Variants in TBX3 observed in about 807,000 individuals in gnomAD.
TBX3 encodes the protein T-box transcription factor TBX3.
In TBX3, 11 loss-of-function variants were observed where a neutral mutation model predicts 47.8. The observed-to-expected ratio is 0.23, with a 90% confidence interval of 0.14 to 0.38. The LOEUF (loss-of-function observed/expected upper bound fraction) is 0.38, where lower values mean the gene tolerates loss of function less well. Among genes scored for constraint, TBX3 ranks in the 10% least tolerant of loss-of-function variants. The pLI, the probability that TBX3 is intolerant of heterozygous loss-of-function variation, is 1.00. For synonymous variants in TBX3, 500 were observed against 449.3 expected, an observed-to-expected ratio of 1.11 and a Z score of -1.43; for missense variants, 927 against 1,022.8, an observed-to-expected ratio of 0.91 and a Z score of 1.28.
rs866430303 is a variant in TBX3, at chr12:114,672,429, T to C, written c.1711-127A>G. On this transcript the variant is annotated intron_variant, in intron 6 of 6. Coordinates refer to ENST00000349155, the MANE Select transcript of TBX3 (RefSeq NM_005996.4). ...TCCCTGGTATGTTCTGTTGTTGTTG[T>C]TGTTGTGTTTTTTTTTTTGGGGGGG... 1.3e-5 allele frequency: 8 copies of C among 613,912 alleles called. No individual in the cohort carries two copies. In the African/African-American group the frequency reaches 1.4e-4, roughly 11 times the overall value. 38.0% of individuals were successfully genotyped at this position (613,912 alleles called of 1,614,324 possible).
intron 3 of TBX3, 73 bp downstream of exon 3, chr12:114,679,432 C>T: frequency 6.2e-7 from 1 of 1,600,112 alleles, no homozygotes; most frequent in South Asian, 1.1e-5. Flanking sequence ...GTAACTTTCT[C>T]ATCCTGACTT....
intron 2 of TBX3, 166 bp downstream of exon 2, chr12:114,680,713 T>C (rs1417549827): frequency 2.0e-6 from 2 of 1,024,176 alleles, no homozygotes; most frequent in Non-Finnish European, 3.0e-6. Flanking sequence ...GGCCTTCCAT[T>C]ATTTGGAGAG....
chr12:114,677,443 A>T (rs1411592452), intron 4 of TBX3, 137 bp downstream of exon 4: 2 of 810,202 alleles, frequency 2.5e-6, no homozygotes, highest in Admixed American at 4.0e-5. Context: ...AGCGGCAAGC[A>T]TGTAGCAGTG....
At chr12:114,676,580 C>G (rs1868721332) in intron 4 of TBX3, 110 bp from the exon 5 acceptor site, 1 of 1,418,174 alleles carries the variant, frequency 7.1e-7, no homozygotes, top group Admixed American at 1.8e-5. Context: ...CTGCCTGCTG[C>G]CCAGGGACAA....
chr12:114,680,232 G>T lies in TBX3; in HGVS notation c.658-581C>A, dbSNP rs1868868487. 1.2e-5 allele frequency: 6 copies of T among 514,482 alleles called. No homozygotes were observed. In the Admixed American group the frequency reaches 1.6e-4, roughly 14 times the overall value. 31.9% of individuals were successfully genotyped at this position (514,482 alleles called of 1,614,324 possible). A position where few individuals can be genotyped will look rare whatever the true frequency, so the allele number is the denominator to read the frequency against. The stretch of plus-strand genomic sequence containing the variant: ...CGCTGTTTATTTTATTGAAATGTTG[G>T]GGAGGGGTAGGAAAAGGCGCAAAAG... On this transcript the variant is annotated intron_variant, in intron 2 of 6. Transcript: ENST00000349155.
chr12:114,677,762 G>A (rs1365909024), intron 3 of TBX3, 106 bp from the exon 4 acceptor site: 3 of 1,033,418 alleles, frequency 2.9e-6, no homozygotes, highest in Middle Eastern at 2.0e-4. Context: ...ACTGCCAACA[G>A]AAGTCATATA....
At position 114,674,523 on chromosome 12, in the gene TBX3, C is replaced by A. The variant is rs1438073122; in HGVS notation, c.1352G>T (p.Arg451Leu). ...GAAGGCCTCCTTGCCCGGGAGCGCG[C>A]GCGCCTCTTCCACCTTGGCCGGCGC... ...GTAPAKVEEA[R>L]ALPGKEAFAP... Residue 451 changes from arginine to leucine, a missense_variant, in exon 6 of 7, where the codon CGC (arginine) becomes CTC (leucine). By Grantham distance (102) the Arg-to-Leu change is moderately radical. Around this residue, in one of 5 missense-constraint regions of TBX3, gnomAD observed 623 missense variants for 569.0 expected, o/e 1.09. Transcript: ENST00000349155. 6.6e-7 allele frequency: 1 copy of A among 1,516,490 alleles called. No individual in the cohort carries two copies. Among genetic ancestry groups the A allele is most frequent in the Non-Finnish European group, 8.8e-7 (1 of 1,136,542 alleles). 93.9% of individuals were successfully genotyped at this position (1,516,490 alleles called of 1,614,324 possible). A position where few individuals can be genotyped will look rare whatever the true frequency, so the allele number is the denominator to read the frequency against.
intron 4 of TBX3, among the ~76,000 whole-genome samples, chr12:114,677,124 T>A (rs916513684): frequency 5.3e-5 from 8 of 152,218 alleles, no homozygotes; most frequent in Non-Finnish European, 1.2e-4. Flanking sequence ...ACTCTCCAGC[T>A]GTCTACGTAA....
Position 114,674,722 on chromosome 12 carries a change from G to GGCAGGGCTCCTCCGA in TBX3, c.1138_1152dup (p.Ser380_Cys384dup). 1 of 1,601,170 alleles carries GGCAGGGCTCCTCCGA rather than the reference G, an allele frequency of 6.2e-7. No homozygotes were observed. On this transcript the variant is annotated inframe_insertion, in exon 6 of 7. Coordinates refer to ENST00000349155, the MANE Select transcript of TBX3 (RefSeq NM_005996.4). Reference sequence around the variant, plus strand: ...TTGACCGCGGGGCTGCCCTTGTCACGGCAGGGCTCCTCCGACGTGGTGGTG... The same window carrying GGCAGGGCTCCTCCGA: ...TTGACCGCGGGGCTGCCCTTGTCACGGCAGGGCTCCTCCGAGCAGGGCTCCTCCGACGTGGTGGTG...
chr12:114,671,781 C>CCGA lies in TBX3; in HGVS notation c.*57_*59dup. On this transcript the variant is annotated 3_prime_UTR_variant, in exon 7 of 7. Coordinates refer to ENST00000349155, the MANE Select transcript of TBX3 (RefSeq NM_005996.4). ...GGCGGGCCCGTGGTTTATTTTATATCCGACAAAGTGCACGGCAGCCTGAAC... is the reference window on the plus strand; with the variant it reads ...GGCGGGCCCGTGGTTTATTTTATATCCGACGACAAAGTGCACGGCAGCCTGAAC... 1 of 1,543,354 alleles carries CCGA rather than the reference C, an allele frequency of 6.5e-7. No individual in the cohort carries two copies. The highest frequency in any genetic ancestry group is 8.8e-7 in the Non-Finnish European group (1 of 1,142,372).
Position 114,671,986 on chromosome 12 carries a change from G to T in TBX3, c.2027C>A (p.Ser676Tyr). The change falls in exon 7 of 7, where the codon TCC (serine) becomes TAC (tyrosine). Residue 676 changes from serine (S) to tyrosine (Y), a missense_variant. Physicochemically the swap from Ser to Tyr is moderately radical, Grantham distance 144 (BLOSUM62 -2). Around this residue, in one of 5 missense-constraint regions of TBX3, gnomAD observed 623 missense variants for 569.0 expected, o/e 1.09. Transcript: ENST00000349155. ...VDSGSELNSR[S>Y]STLSSSSMSL... ...CATGGAGCTGGAGGAGAGCGTGGAGGAGCGGCTGTTGAGTTCAGAGCCCGA... is the reference window on the plus strand; with the variant it reads ...CATGGAGCTGGAGGAGAGCGTGGAGTAGCGGCTGTTGAGTTCAGAGCCCGA... The T allele has an allele frequency of 6.2e-7, 1 of 1,601,288 alleles. No individual in the cohort carries two copies. Among genetic ancestry groups the T allele is most frequent in the East Asian group, 2.3e-5 (1 of 44,224 alleles).
rs151047347 is a variant in TBX3 at position 114,679,617 on chromosome 12, C to T, written c.692G>A (p.Arg231Gln). 11 of 1,613,986 alleles carry T rather than the reference C, an allele frequency of 6.8e-6. No homozygotes were observed. Among genetic ancestry groups the T allele is most frequent in the Admixed American group, 3.3e-5 (2 of 59,990 alleles). Residue 231 changes from arginine (R) to glutamine (Q), a missense_variant, in exon 3 of 7, where the codon CGG (arginine) becomes CAG (glutamine). Around this residue, in one of 5 missense-constraint regions of TBX3, gnomAD observed 38 missense variants for 77.7 expected, o/e 0.49. Transcript: ENST00000349155. ...ILNSMHKYQP[R>Q]FHIVRANDIL... ...GTCATTGGCTCTTACAATGTGGAAC[C>T]GGGGCTGGTATTTGTGCATGGAGTT...
At chr12:114,672,436 GTTTT>G (rs55865934) in intron 6 of TBX3, 134 bp from the exon 7 acceptor site, 14 of 421,558 alleles carry the variant, frequency 3.3e-5, no homozygotes, top group African/African-American at 3.0e-4. Context: ...TTGTTGTTGT[GTTTT>G]TTTTTTTGGG....
intron 1 of TBX3, among the ~76,000 whole-genome samples, chr12:114,681,986 G>T (rs1345130871): frequency 6.6e-6 from 1 of 152,012 alleles, no homozygotes; most frequent in Admixed American, 6.6e-5. Flanking sequence ...TCATGAAGGG[G>T]ATTTTATTTT....
At chr12:114,676,263 C>T in intron 5 of TBX3, 50 bp downstream of exon 5, 1 of 1,611,490 alleles carries the variant, frequency 6.2e-7, no homozygotes, top group South Asian at 1.1e-5. Context: ...TCAACTCTTC[C>T]AGGCCACGAG....
intron 3 of TBX3, 118 bp downstream of exon 3, chr12:114,679,387 A>G (rs1480435834): frequency 1.4e-6 from 2 of 1,442,050 alleles, no homozygotes; most frequent in Non-Finnish European, 1.9e-6. Flanking sequence ...CACAAATCAC[A>G]AAAGACAACT....
chr12:114,684,135 C>T lies in TBX3; in HGVS notation c.-935G>A. 4.3e-6 allele frequency: 1 copy of T among 230,400 alleles called. No homozygotes were observed. 14.3% of individuals were successfully genotyped at this position (230,400 alleles called of 1,614,324 possible). ...GAGGGAGCGAGAGAAAGCGAGAGCT[C>T]CTCGCCACCCTCCGCCGCCTCTAGA... On this transcript the variant is annotated 5_prime_UTR_variant, in exon 1 of 7. Coordinates refer to ENST00000349155, the MANE Select transcript of TBX3 (RefSeq NM_005996.4).
chr12:114,672,865 C>A (rs1868512896), intron 6 of TBX3, among the ~76,000 whole-genome samples: 1 of 152,012 alleles, frequency 6.6e-6, no homozygotes, highest in Middle Eastern at 3.4e-3. Context: ...ACAAAAAAAA[C>A]AGACAGTGAA....
Position 114,672,163 on chromosome 12 carries a change from C to T in TBX3, c.1850G>A (p.Arg617Gln). The T allele has an allele frequency of 6.4e-7, 1 of 1,570,978 alleles. No homozygotes were observed. The highest frequency in any genetic ancestry group is 8.6e-7 in the Non-Finnish European group (1 of 1,158,860). Reference protein sequence around the residue: ...PFLNLNTMRPRLRYSPYSIPV... With the variant: ...PFLNLNTMRPQLRYSPYSIPV... ...GATGGAGTAGGGGCTGTAGCGCAGC[C>T]GCGGGCGCATGGTGTTCAGATTGAG... The change falls in exon 7 of 7, where the codon CGG becomes CAG. Residue 617 changes from arginine to glutamine, a missense_variant. By Grantham distance (43) the Arg-to-Gln change is conservative. Transcript: ENST00000349155.
Sources: gnomAD v4.1 joint callset for allele counts (sites outside exome capture counted in the v4.1 genomes callset) on GRCh38, gnomAD v4.1.1 for gene constraint, gnomAD v4.1.1 regional missense constraint, MANE v1.5 for transcripts, NCBI Gene and HGNC (gene_info 2026-07-23, HGNC 2026-07-21) for gene names.